Variants in KLRG1 observed in about 807,000 individuals in gnomAD.
KLRG1 encodes killer cell lectin like receptor G1.
A neutral mutation model predicts 21.8 loss-of-function variants in KLRG1; 16 were observed. That is an observed-to-expected ratio of 0.73 (90% CI 0.50 to 1.11). The LOEUF is 1.11. Ranked by LOEUF, KLRG1 falls within the 50% of genes most tolerant of loss-of-function variation. The pLI is 0.00. For missense variants in KLRG1, 173 were observed against 218.3 expected, an observed-to-expected ratio of 0.79 and a Z score of 1.31; for synonymous variants, 69 against 75.9, an observed-to-expected ratio of 0.91 and a Z score of 0.47.
intron 1 of KLRG1, among the ~76,000 whole-genome samples, chr12:8,982,038 G>A (rs766452290): frequency 6.6e-6 from 1 of 152,130 alleles, no homozygotes; most frequent in Non-Finnish European, 1.5e-5. Flanking sequence ...ACTTGTGGAA[G>A]GCTGAATAAT....
chr12:9,214,952 A>G, the KLRG1 span, among the ~76,000 whole-genome samples: 1 of 151,948 alleles, frequency 6.6e-6, no homozygotes, highest in African/African-American at 2.4e-5. Flanking sequence ...ATTTTTTCCA[A>G]CTGAGTTGTA....
At chr12:8,987,527 C>T (rs1946863923), upstream of KLRG1, 1 of 152,180 alleles carries the variant, frequency 6.6e-6, no homozygotes, top group Non-Finnish European at 1.5e-5. Flanking sequence ...GTTTAAGTCA[C>T]CTAGTCTATG....
At chr12:9,160,149 G>T in the KLRG1 span, 1 of 1,163,690 alleles carries the variant, frequency 8.6e-7, no homozygotes, top group Non-Finnish European at 1.2e-6. Context: ...CCATAGTTTT[G>T]TGAATGTTAT....
At chr12:9,070,708 G>A in the KLRG1 span, 3 of 649,064 alleles carry the variant, frequency 4.6e-6, no homozygotes, top group Non-Finnish European at 5.2e-6. Context: ...TTATCCCAGT[G>A]GTTTGTAAAA....
chr12:9,030,920 G>C, the KLRG1 span, among the ~76,000 whole-genome samples: 1 of 152,294 alleles, frequency 6.6e-6, no homozygotes, highest in South Asian at 2.1e-4. Flanking sequence ...GATAAGATAG[G>C]GTAACCTGTT....
At chr12:9,075,368 A>G in the KLRG1 span, among the ~76,000 whole-genome samples, 127 of 152,348 alleles carry the variant, frequency 8.3e-4, 1 homozygote, top group African/African-American at 2.9e-3. Flanking sequence ...TTCTCAAAGC[A>G]TAATTTGGAG....
chr12:9,054,773 A>C, the KLRG1 span, among the ~76,000 whole-genome samples: 1 of 152,178 alleles, frequency 6.6e-6, no homozygotes, highest in Non-Finnish European at 1.5e-5. Flanking sequence ...GTGTTAAGAG[A>C]GGATCTACTA....
chr12:9,152,205 T>A, the KLRG1 span: 2 of 1,555,014 alleles, frequency 1.3e-6, no homozygotes, highest in Non-Finnish European at 1.8e-6. Context: ...TCTATTAGGA[T>A]TAAAATACAC....
chr12:9,057,984 A>G, the KLRG1 span: 1 of 152,242 alleles, frequency 6.6e-6, no homozygotes, highest in Admixed American at 6.5e-5. Context: ...AATAATACAT[A>G]TTCCTCCATA....
the KLRG1 span, chr12:9,162,765 C>G: frequency 1.2e-6 from 1 of 839,440 alleles, no homozygotes; most frequent in African/African-American, 1.7e-5. Context: ...CCATCCTACT[C>G]TTTTTTTCCC....
intron 1 of KLRG1, among the ~76,000 whole-genome samples, chr12:8,958,269 A>G (rs1320401429): frequency 6.6e-6 from 1 of 151,978 alleles, no homozygotes; most frequent in African/African-American, 2.4e-5. Context: ...CCCCATATGG[A>G]TATATAATGA....
chr12:9,047,333 C>G, the KLRG1 span, among the ~76,000 whole-genome samples: 175 of 152,286 alleles, frequency 1.1e-3, no homozygotes, highest in African/African-American at 3.6e-3. Context: ...CCACCTGTGA[C>G]TCAGTGTAGT....
the KLRG1 span, chr12:9,067,603 G>T: frequency 1.6e-6 from 1 of 621,822 alleles, no homozygotes; most frequent in Admixed American, 2.4e-5. Flanking sequence ...TTTGTATTCT[G>T]AAGTCCTTCA....
In KLRG1 at chr12:8,989,692, G is replaced by A; in HGVS notation, c.57G>A (p.Gln19=). Residue 19 remains glutamine, a synonymous_variant, in exon 1 of 5, where the codon CAG becomes CAA. Transcript: ENST00000356986. ...MLELPTATQA[Q]NDYGPQQKSS... ...AGTTGCCTACGGCAACCCAAGCCCA[G>A]AATGACTATGGACCACAGCAAAAAT... 1 of 1,610,052 alleles carries A rather than the reference G, an allele frequency of 6.2e-7. No homozygotes were observed. The highest frequency in any genetic ancestry group is 8.5e-7 in the Non-Finnish European group (1 of 1,177,282).
chr12:9,063,081 G>A, the KLRG1 span, among the ~76,000 whole-genome samples: 1 of 152,088 alleles, frequency 6.6e-6, no homozygotes, highest in Non-Finnish European at 1.5e-5. Context: ...ATTTGCCCAG[G>A]CTGGTCTCAA....
intron 1 of KLRG1, among the ~76,000 whole-genome samples, chr12:8,977,607 C>T (rs1051498843): frequency 6.6e-6 from 1 of 152,046 alleles, no homozygotes; most frequent in Middle Eastern, 3.2e-3. Flanking sequence ...TGAGGACTTA[C>T]TATTGCCATT....
At chr12:9,100,997 CA>C in the KLRG1 span, 77 of 721,604 alleles carry the variant, frequency 1.1e-4, no homozygotes, top group Middle Eastern at 4.8e-4. Flanking sequence ...AAATCACTAC[CA>C]AAGAATTTAT....
the KLRG1 span, chr12:9,154,464 T>C: frequency 1.3e-6 from 1 of 786,506 alleles, no homozygotes; most frequent in Middle Eastern, 3.4e-4. Context: ...ATGTCTTAAG[T>C]CTTTCCTTTA....
chr12:8,970,043 G>T (rs1946541292), intron 1 of KLRG1, among the ~76,000 whole-genome samples: 1 of 152,232 alleles, frequency 6.6e-6, no homozygotes, highest in Non-Finnish European at 1.5e-5. Flanking sequence ...CTAAGCCTGG[G>T]AGGTTGAGGC....
Sources: gnomAD v4.1 joint callset for allele counts (sites outside exome capture counted in the v4.1 genomes callset) on GRCh38, gnomAD v4.1.1 for gene constraint, MANE v1.5 for transcripts, NCBI Gene and HGNC (gene_info 2026-07-23, HGNC 2026-07-21) for gene names.